The following LIFR variants were observed in gnomAD, a reference collection of about 807,000 sequenced individuals.
LIFR encodes the protein leukemia inhibitory factor receptor.
In LIFR, 84 loss-of-function variants were observed where a neutral mutation model predicts 122.2. The observed-to-expected ratio is 0.69, with a 90% CI of 0.58 to 0.82. LIFR has a LOEUF of 0.82. Among genes scored for constraint, LIFR ranks in the 40% least tolerant of loss-of-function variants. LIFR has a pLI of 0.00. For synonymous variants in LIFR, 422 were observed against 434.7 expected (o/e 0.97, Z 0.36); for missense variants, 1,294 against 1,311.6 (o/e 0.99, Z 0.21).
At chr5:38,529,564 T>C (rs1746887063) in intron 2 of LIFR, among the ~76,000 whole-genome samples, 1 of 151,614 alleles carries the variant, frequency 6.6e-6, no homozygotes, top group Non-Finnish European at 1.5e-5. Context: ...TAAAATAACA[T>C]TACACCATGG....
chr5:38,486,059 C>T, intron 16 of LIFR, 79 bp from the exon 17 acceptor site: 4 of 1,354,560 alleles, frequency 3.0e-6, no homozygotes, highest in Non-Finnish European at 4.2e-6. Context: ...GTCTCACCAA[C>T]TGCCCTTCTA....
intron 1 of LIFR, among the ~76,000 whole-genome samples, chr5:38,553,623 T>TAC (rs1748327642): frequency 3.2e-4 from 1 of 3,100 alleles, no homozygotes; most frequent in Admixed American, 3.4e-3. Flanking sequence ...CCATTTAAAC[T>TAC]ATATATATAT....
At chr5:38,581,205 A>G (rs977516208) in intron 1 of LIFR, among the ~76,000 whole-genome samples, 8 of 151,938 alleles carry the variant, frequency 5.3e-5, no homozygotes, top group Non-Finnish European at 1.2e-4. Flanking sequence ...CCCTCCTATT[A>G]GAATCATCTT....
intron 1 of LIFR, among the ~76,000 whole-genome samples, chr5:38,567,500 T>TTATTTATG: frequency 7.2e-6 from 1 of 138,838 alleles, no homozygotes; most frequent in South Asian, 2.3e-4. Context: ...CATTCTGTAT[T>TTATTTATG]TATTTATTTA....
intron 14 of LIFR, among the ~76,000 whole-genome samples, chr5:38,490,942 G>A (rs537119091): frequency 5.3e-5 from 8 of 152,004 alleles, no homozygotes; most frequent in Non-Finnish European, 1.0e-4. Context: ...CCATTCATTC[G>A]AGGTCCACAT....
intron 13 of LIFR, among the ~76,000 whole-genome samples, chr5:38,495,374 C>T (rs534246790): frequency 1.1e-4 from 16 of 152,122 alleles, no homozygotes; most frequent in Admixed American, 1.0e-3. Flanking sequence ...GTTATTTTTG[C>T]CAGGCCAAAA....
At chr5:38,579,529 T>C (rs1015666280) in intron 1 of LIFR, 23 of 152,120 alleles carry the variant, frequency 1.5e-4, no homozygotes, top group African/African-American at 5.6e-4. Context: ...AGCTATGCAA[T>C]GTAAACCAGC....
chr5:38,567,496 G>GTATTTATTTGTT (rs1749060828), intron 1 of LIFR, among the ~76,000 whole-genome samples: 1 of 132,882 alleles, frequency 7.5e-6, no homozygotes, highest in South Asian at 2.6e-4. Context: ...TGACCATTCT[G>GTATTTATTTGTT]TATTTATTTA....
intron 5 of LIFR, among the ~76,000 whole-genome samples, chr5:38,520,287 T>C (rs1746333621): frequency 6.6e-6 from 1 of 152,220 alleles, no homozygotes; most frequent in South Asian, 2.1e-4. Flanking sequence ...TCTATTCATG[T>C]CCTTTGCCCA....
At chr5:38,496,718 C>T (rs552553730) in intron 12 of LIFR, 123 bp from the exon 13 acceptor site, 24 of 744,986 alleles carry the variant, frequency 3.2e-5, no homozygotes, top group Non-Finnish European at 5.0e-5. Flanking sequence ...TGGTGACTCA[C>T]GCTTATAATT....
chr5:38,478,952 G>A lies in LIFR; in HGVS notation c.*2643C>T, dbSNP rs562713423. ...TTGTAGCTTCCAAGGGAGAAGCCAC[G>A]AATCTAACTGGACAGAGCACAATCA... On this transcript the variant is annotated 3_prime_UTR_variant, in exon 20 of 20. Coordinates refer to ENST00000453190, the MANE Select transcript of LIFR (RefSeq NM_001127671.2). 6 of 229,948 alleles carry A rather than the reference G, an allele frequency of 2.6e-5. No individual in the cohort carries two copies. The highest frequency in any genetic ancestry group is 4.3e-5 in the Non-Finnish European group (5 of 116,046). 14.2% of individuals were successfully genotyped at this position (229,948 alleles called of 1,614,324 possible). A position where few individuals can be genotyped will look rare whatever the true frequency, so the allele number is the denominator to read the frequency against.
At chr5:38,588,952 T>TAAA (rs1749834586) in intron 1 of LIFR, among the ~76,000 whole-genome samples, 1 of 152,086 alleles carries the variant, frequency 6.6e-6, no homozygotes, top group Non-Finnish European at 1.5e-5. Flanking sequence ...ATGCATATGT[T>TAAA]TATTGGTATT....
At chr5:38,545,786 C>T (rs527626065) in intron 1 of LIFR, among the ~76,000 whole-genome samples, 2,341 of 148,628 alleles carry the variant, frequency 0.016, 28 homozygotes, top group Non-Finnish European at 0.023. Flanking sequence ...GGCGTGAACC[C>T]GGGAGGTGGA....
intron 1 of LIFR, among the ~76,000 whole-genome samples, chr5:38,582,277 TA>T (rs982735891): frequency 2.0e-5 from 3 of 152,136 alleles, no homozygotes; most frequent in Non-Finnish European, 2.9e-5. Flanking sequence ...ACAGAATGAA[TA>T]AATCAGGCAG....
intron 1 of LIFR, among the ~76,000 whole-genome samples, chr5:38,583,060 C>T (rs535139110): frequency 2.2e-4 from 34 of 152,354 alleles, no homozygotes; most frequent in African/African-American, 7.0e-4. Flanking sequence ...AGAACAGGCA[C>T]TGCAGTATGC....
Position 38,505,885 on chromosome 5 carries a change from T to G in LIFR, c.1291+20A>C. The G allele has an allele frequency of 6.5e-7, 1 of 1,531,902 alleles. No individual in the cohort carries two copies. The highest frequency in any genetic ancestry group is 8.9e-7 in the Non-Finnish European group (1 of 1,119,450). The allele number at this position is 1,531,902 out of a possible 1,614,324, so 94.9% of individuals were successfully genotyped here. On this transcript the variant is annotated intron_variant, in intron 9 of 19. Transcript: ENST00000453190. Reference sequence around the variant, plus strand: ...CACTTTTAAAGTTATTTTTAAGACATTAGTTTATGTACAGCTTACCTTTTT... The same window carrying G: ...CACTTTTAAAGTTATTTTTAAGACAGTAGTTTATGTACAGCTTACCTTTTT...
intron 15 of LIFR, 104 bp from the exon 16 acceptor site, chr5:38,489,349 T>G: frequency 1.1e-6 from 1 of 930,546 alleles, no homozygotes; most frequent in East Asian, 2.6e-5. Context: ...CAACTTGGAA[T>G]TAAAACTTTA....
At chr5:38,559,261 G>C (rs1748741733), upstream of LIFR, 1 of 152,208 alleles carries the variant, frequency 6.6e-6, no homozygotes, top group Non-Finnish European at 1.5e-5. Context: ...AAGAGTTGCG[G>C]TATACGCACT....
At position 38,477,383 on chromosome 5, in the gene LIFR, C is replaced by G. The variant is rs903411555; in HGVS notation, c.*4212G>C. The G allele has an allele frequency of 1.4e-5, 3 of 212,050 alleles. No individual in the cohort carries two copies. Among genetic ancestry groups the G allele is most frequent in the Non-Finnish European group, 2.9e-5 (3 of 104,780 alleles). 13.1% of individuals were successfully genotyped at this position (212,050 alleles called of 1,614,324 possible). On this transcript the variant is annotated 3_prime_UTR_variant, in exon 20 of 20. Transcript: ENST00000453190. Reference sequence around the variant, plus strand: ...TCTAGAATAAATAAGATGGGCATGACAGCATGAAACTTCATTTCAGCAGGA... The same window carrying G: ...TCTAGAATAAATAAGATGGGCATGAGAGCATGAAACTTCATTTCAGCAGGA...
Sources: gnomAD v4.1 joint callset for allele counts (sites outside exome capture counted in the v4.1 genomes callset) on GRCh38, gnomAD v4.1.1 for gene constraint, MANE v1.5 for transcripts, NCBI Gene and HGNC (gene_info 2026-07-23, HGNC 2026-07-21) for gene names.